The following SEC11A variants were observed in gnomAD, a reference collection of about 807,000 sequenced individuals.
SEC11A encodes signal peptidase complex catalytic subunit SEC11A.
Under a neutral mutation model 25.6 loss-of-function variants are expected in SEC11A, and 14 were observed. The observed-to-expected ratio is 0.55, with a 90% CI of 0.36 to 0.85. The LOEUF is 0.85. SEC11A is among the 40% of genes least tolerant of loss of function. SEC11A has a pLI of 0.01. For missense variants in SEC11A, 153 were observed against 222.9 expected, an observed-to-expected ratio of 0.69 and a Z score of 2.00; for synonymous variants, 83 against 76.4, an observed-to-expected ratio of 1.09 and a Z score of -0.45.
intron 1 of SEC11A, among the ~76,000 whole-genome samples, chr15:84,713,055 G>A (rs934846793): frequency 6.6e-6 from 1 of 152,042 alleles, no homozygotes; most frequent in East Asian, 1.9e-4. Flanking sequence ...TTAGCCGGGT[G>A]TGGTGGCGGG....
chr15:84,670,241 T>C, intron 5 of SEC11A, 172 bp from the exon 6 acceptor site: 1 of 524,222 alleles, frequency 1.9e-6, no homozygotes, highest in Non-Finnish European at 3.2e-6. Flanking sequence ...AAATATCACA[T>C]TTCTTTAAAT....
chr15:84,676,800 G>C (rs1285729961), intron 4 of SEC11A, among the ~76,000 whole-genome samples: 1 of 149,174 alleles, frequency 6.7e-6, no homozygotes, highest in South Asian at 2.1e-4. Flanking sequence ...AAAAAAAAAA[G>C]CATAAAGGAA....
Position 84,687,607 on chromosome 15 carries a change from GCTATA to G in SEC11A, c.311+13_311+17del, listed in dbSNP as rs757398529. On this transcript the variant is annotated intron_variant, in intron 3 of 5. Coordinates refer to ENST00000268220, the MANE Select transcript of SEC11A (RefSeq NM_014300.4). ...AACAAAAGCACTTAGAAACAAAGAT[GCTATA>G]CTTTGCACATACTTTTCATGAATCT... 3 of 1,549,534 alleles carry G rather than the reference GCTATA, an allele frequency of 1.9e-6. No homozygotes were observed. The highest frequency in any genetic ancestry group is 2.6e-6 in the Non-Finnish European group (3 of 1,158,698).
intron 5 of SEC11A, 158 bp from the exon 6 acceptor site, chr15:84,670,227 A>G: frequency 1.9e-6 from 1 of 540,420 alleles, no homozygotes; most frequent in Non-Finnish European, 3.1e-6. Context: ...TCCAATACTA[A>G]GCAAAATATC....
chr15:84,696,746 A>G (rs1467738964), intron 1 of SEC11A, among the ~76,000 whole-genome samples: 2 of 152,242 alleles, frequency 1.3e-5, no homozygotes, highest in Non-Finnish European at 2.9e-5. Context: ...TGAAGTAAAT[A>G]AAAACTAAAA....
chr15:84,695,783 G>A (rs1039966914), intron 1 of SEC11A, among the ~76,000 whole-genome samples: 1 of 152,128 alleles, frequency 6.6e-6, no homozygotes, highest in East Asian at 1.9e-4. Context: ...GCCGAGAAGC[G>A]ATCAAGTTTC....
intron 4 of SEC11A, 116 bp from the exon 5 acceptor site, chr15:84,670,898 A>G (rs538173956): frequency 5.7e-6 from 3 of 522,266 alleles, no homozygotes; most frequent in East Asian, 3.4e-5. Flanking sequence ...CACAAAGTCC[A>G]TTTCTATATA....
chr15:84,713,634 T>C (rs1898359151), intron 1 of SEC11A, among the ~76,000 whole-genome samples: 1 of 152,222 alleles, frequency 6.6e-6, no homozygotes, highest in Non-Finnish European at 1.5e-5. Flanking sequence ...AATCACTCCA[T>C]ATTAGAGAAA....
chr15:84,715,860 G>GGCGGACA (rs1490877882), intron 1 of SEC11A, among the ~76,000 whole-genome samples, 165 bp downstream of exon 1: 1 of 152,160 alleles, frequency 6.6e-6, no homozygotes, highest in Non-Finnish European at 1.5e-5. Context: ...AAAATAATGA[G>GGCGGACA]GCGGACAAGG....
intron 1 of SEC11A, among the ~76,000 whole-genome samples, chr15:84,695,519 C>T (rs1897741374): frequency 6.6e-6 from 1 of 151,956 alleles, no homozygotes; most frequent in East Asian, 1.9e-4. Flanking sequence ...GTAGTCCCAG[C>T]TCCTTGGAGG....
Position 84,705,062 on chromosome 15 carries a change from C to T in SEC11A, c.51+10963G>A, listed in dbSNP as rs569605029. On this transcript the variant is annotated intron_variant, in intron 1 of 5. Coordinates refer to ENST00000268220, the MANE Select transcript of SEC11A (RefSeq NM_014300.4). ...ACCTCAGCCTACCGAGTAGCTAGGA[C>T]TACAGGTGAGTACCACCACGCCTGG... Among the ~76,000 whole-genome samples, 9 of 152,144 alleles carry T rather than the reference C, an allele frequency of 5.9e-5. No homozygotes were observed. In the South Asian group the frequency reaches 1.9e-3, roughly 32 times the overall value.
At chr15:84,697,091 T>C (rs560630110) in intron 1 of SEC11A, among the ~76,000 whole-genome samples, 1 of 150,002 alleles carries the variant, frequency 6.7e-6, no homozygotes, top group Non-Finnish European at 1.5e-5. Context: ...CAAGACCCTG[T>C]CTCTTAAAAA....
Position 84,669,646 on chromosome 15 carries a change from C to T in SEC11A, c.*373G>A, listed in dbSNP as rs1349366758. ...GAAGGAGGTATGACGGTTTCAAACT[C>T]GTGCAGAGCTGCATTTTCATTTACA... is the stretch of plus-strand genomic sequence containing the variant. On this transcript the variant is annotated 3_prime_UTR_variant, in exon 6 of 6. Transcript: ENST00000268220. 6 of 217,734 alleles carry T rather than the reference C, an allele frequency of 2.8e-5. No individual in the cohort carries two copies. Among genetic ancestry groups the T allele is most frequent in the East Asian group, 1.0e-4 (1 of 9,802 alleles). The allele number at this position is 217,734 out of a possible 1,614,324, so 13.5% of individuals were successfully genotyped here.
chr15:84,679,343 C>G (rs975177055), intron 4 of SEC11A: 1 of 693,232 alleles, frequency 1.4e-6, no homozygotes, highest in Non-Finnish European at 2.2e-6. Flanking sequence ...TTCCTTAAAG[C>G]GGGGACATAT....
chr15:84,696,350 G>C (rs1234081366), intron 1 of SEC11A, among the ~76,000 whole-genome samples: 1 of 152,190 alleles, frequency 6.6e-6, no homozygotes, highest in Admixed American at 6.5e-5. Context: ...AAGACGTGGA[G>C]TGGGACATGA....
chr15:84,677,324 C>T (rs138011689), intron 4 of SEC11A, among the ~76,000 whole-genome samples: 2 of 151,610 alleles, frequency 1.3e-5, no homozygotes, highest in African/African-American at 4.8e-5. Context: ...CTGTTCATGT[C>T]TTAGGTTTTT....
intron 3 of SEC11A, among the ~76,000 whole-genome samples, chr15:84,681,811 A>G (rs375590627): frequency 1.1e-4 from 16 of 152,048 alleles, no homozygotes; most frequent in African/African-American, 3.9e-4. Flanking sequence ...GCAGTGGCTC[A>G]CTCCTGTAAT....
chr15:84,704,262 C>A (rs975758539), intron 1 of SEC11A, among the ~76,000 whole-genome samples: 10 of 152,136 alleles, frequency 6.6e-5, no homozygotes, highest in African/African-American at 2.4e-4. Context: ...TTGTGGTATC[C>A]CATACAACAT....
chr15:84,678,739 T>A (rs1359598680), intron 4 of SEC11A, among the ~76,000 whole-genome samples: 3 of 152,142 alleles, frequency 2.0e-5, no homozygotes, highest in Non-Finnish European at 4.4e-5. Flanking sequence ...ATGCCTGTAA[T>A]CTCAGCACTT....
Sources: allele counts gnomAD v4.1 joint callset (sites outside exome capture counted in the v4.1 genomes callset), GRCh38; gene constraint gnomAD v4.1.1; transcripts MANE v1.5; gene names NCBI Gene and HGNC (gene_info 2026-07-23, HGNC 2026-07-21).